PTPN23: variants seen among roughly 807,000 people sequenced by gnomAD.
The protein encoded by PTPN23 is tyrosine-protein phosphatase non-receptor type 23.
Under a neutral mutation model 156.3 loss-of-function variants are expected in PTPN23, and 72 were observed. That is an observed-to-expected ratio of 0.46 (90% CI 0.38 to 0.56). PTPN23 has a LOEUF of 0.56. Among genes scored for constraint, PTPN23 ranks in the 20% least tolerant of loss-of-function variants. PTPN23 has a pLI of 0.00. For synonymous variants in PTPN23, 957 were observed against 899.6 expected (o/e 1.06, Z -1.14); for missense variants, 1,974 against 2,171.5 (o/e 0.91, Z 1.81).
Position 47,409,511 on chromosome 3 carries a change from C to G in PTPN23, c.1892C>G (p.Thr631Arg). The G allele has an allele frequency of 6.2e-7, 1 of 1,614,108 alleles. No homozygotes were observed. The highest frequency in any genetic ancestry group is 8.5e-7 in the Non-Finnish European group (1 of 1,179,994). ...CAGGACCGTGTCCTCTGTGCACTGA[C>G]AGAGGCCAACGTGCAGTACGCAGCC... ...AAQDRVLCALTEANVQYAAVR... is the reference protein window; with the variant it reads ...AAQDRVLCALREANVQYAAVR... The change falls in exon 18 of 25, where the codon ACA becomes AGA. Residue 631 changes from threonine to arginine, a missense_variant. This residue lies in a region of PTPN23 where 726 missense variants were observed against 929.5 expected (regional missense o/e 0.78). Coordinates refer to ENST00000265562, the MANE Select transcript of PTPN23 (RefSeq NM_015466.4).
chr3:47,389,337 A>T (rs1409782680), intron 1 of PTPN23, among the ~76,000 whole-genome samples: 1 of 152,202 alleles, frequency 6.6e-6, no homozygotes, highest in Non-Finnish European at 1.5e-5. Flanking sequence ...TAGGCTGGGC[A>T]TGGTGACTCA....
rs1270593136 is a variant in PTPN23, at chr3:47,407,219, G to A, written c.864+33G>A. ...TGAGGAAGGCCTGGCTGCCCTGAGG[G>A]TATAGGAGCAAGCCCGGTAGGACTG... On this transcript the variant is annotated intron_variant, in intron 10 of 24. Transcript: ENST00000265562. This position sits in a 1 kb window ranked among gnomAD's most constrained non-coding sequence, Gnocchi z 4.0. The A allele has an allele frequency of 6.2e-7, 1 of 1,613,970 alleles. No individual in the cohort carries two copies. Among genetic ancestry groups the A allele is most frequent in the Admixed American group, 1.7e-5 (1 of 60,002 alleles).
At chr3:47,396,312 C>A (rs1454191856) in intron 2 of PTPN23, 95 bp downstream of exon 2, 7 of 977,726 alleles carry the variant, frequency 7.2e-6, no homozygotes, top group Admixed American at 2.4e-5. Context: ...GGTGGCTCAA[C>A]GCCTATAATC....
chr3:47,406,215 G>C lies in PTPN23; in HGVS notation c.547-110G>C. ...CTGCTTGGAGTGGGGGCAGCTGGGG[G>C]AGAGGGCAGTGAAGAGGGATCCCTC... is the stretch of plus-strand genomic sequence containing the variant. On this transcript the variant is annotated intron_variant, in intron 6 of 24. Coordinates refer to ENST00000265562, the MANE Select transcript of PTPN23 (RefSeq NM_015466.4). This position sits in a 1 kb window ranked among gnomAD's most constrained non-coding sequence, Gnocchi z 5.8. The C allele has an allele frequency of 6.8e-7, 1 of 1,475,552 alleles. No homozygotes were observed. The highest frequency in any genetic ancestry group is 1.2e-5 in the South Asian group (1 of 83,560). 91.4% of individuals were successfully genotyped at this position (1,475,552 alleles called of 1,614,324 possible).
In PTPN23 at chr3:47,405,818, T is replaced by C; in HGVS notation, c.414+20T>C. On this transcript the variant is annotated intron_variant, in intron 5 of 24. Coordinates refer to ENST00000265562, the MANE Select transcript of PTPN23 (RefSeq NM_015466.4). This position sits in a 1 kb window ranked among gnomAD's most constrained non-coding sequence, Gnocchi z 4.7. ...GAGGAGGTGAGGAGAGGGGCAGTAG[T>C]GGAACATGTGGACATACCAGGGAGG... 2 of 1,588,004 alleles carry C rather than the reference T, an allele frequency of 1.3e-6. No homozygotes were observed. Among genetic ancestry groups the C allele is most frequent in the African/African-American group, 2.7e-5 (2 of 74,516 alleles).
At chr3:47,385,256 C>A (rs1027871697) in intron 1 of PTPN23, among the ~76,000 whole-genome samples, 1 of 152,200 alleles carries the variant, frequency 6.6e-6, no homozygotes, top group African/African-American at 2.4e-5. Flanking sequence ...TTGCCCTTAA[C>A]CAGCTGTACT....
At chr3:47,392,806 A>G (rs1704801611) in intron 1 of PTPN23, among the ~76,000 whole-genome samples, 1 of 152,162 alleles carries the variant, frequency 6.6e-6, no homozygotes, top group African/African-American at 2.4e-5. Context: ...TTTCAAACAT[A>G]TAGAAAAATT....
rs550023804 is a variant in PTPN23 at position 47,412,821 on chromosome 3, C to T, written c.4547C>T (p.Pro1516Leu). The T allele has an allele frequency of 8.1e-6, 13 of 1,613,464 alleles. No homozygotes were observed. The highest frequency in any genetic ancestry group is 6.7e-5 in the Admixed American group (4 of 60,012). ...SIRPPGGLES[P>L]VASLPGPAEP... ...CGGCCTCCTGGGGGGTTGGAGTCCC[C>T]GGTTGCCAGCTTGCCAGGCCCTGCA... Residue 1516 changes from proline (P) to leucine (L), a missense_variant, in exon 25 of 25, where the codon CCG (proline) becomes CTG (leucine). Physicochemically the swap from Pro to Leu is moderately conservative, Grantham distance 98. Coordinates refer to ENST00000265562, the MANE Select transcript of PTPN23 (RefSeq NM_015466.4).
At chr3:47,403,198 G>A (rs1192713446) in intron 2 of PTPN23, among the ~76,000 whole-genome samples, 8 of 151,688 alleles carry the variant, frequency 5.3e-5, no homozygotes, top group South Asian at 2.1e-4. Flanking sequence ...GTCTACAGGT[G>A]CCTGCCACCA....
intron 14 of PTPN23, 125 bp from the exon 15 acceptor site, chr3:47,408,220 G>T (rs568488594): frequency 2.2e-4 from 295 of 1,352,954 alleles, no homozygotes; most frequent in Non-Finnish European, 2.9e-4. Flanking sequence ...GTAGGGGTCC[G>T]AGGTCACAAT....
chr3:47,388,243 G>T (rs370672468), intron 1 of PTPN23, among the ~76,000 whole-genome samples: 1 of 152,172 alleles, frequency 6.6e-6, no homozygotes, highest in South Asian at 2.1e-4. Flanking sequence ...GGGTCTTGCT[G>T]TAACACCCAG....
Position 47,408,460 on chromosome 3 carries a change from A to C in PTPN23, c.1300A>C (p.Thr434Pro), listed in dbSNP as rs1201266420. Residue 434 changes from threonine to proline, a missense_variant, in exon 15 of 25, where the codon ACT becomes CCT. Physicochemically the swap from Thr to Pro is conservative, Grantham distance 38 (BLOSUM62 -1). This residue lies in a region of PTPN23 where 726 missense variants were observed against 929.5 expected (regional missense o/e 0.78). Transcript: ENST00000265562. ...KCAALSVRPD[T>P]VRNLVQSMQV... ...CGCGGCTCTCAGCGTCCGGCCCGACACTGTCAGGAACCTTGTACAGTCCAT... is the reference window on the plus strand; with the variant it reads ...CGCGGCTCTCAGCGTCCGGCCCGACCCTGTCAGGAACCTTGTACAGTCCAT... 1 of 1,613,922 alleles carries C rather than the reference A, an allele frequency of 6.2e-7. No homozygotes were observed. The highest frequency in any genetic ancestry group is 1.3e-5 in the African/African-American group (1 of 74,930).
chr3:47,408,503 C>T lies in PTPN23; in HGVS notation c.1330+13C>T. 6.2e-7 allele frequency: 1 copy of T among 1,601,854 alleles called. No homozygotes were observed. The highest frequency in any genetic ancestry group is 8.5e-7 in the Non-Finnish European group (1 of 1,171,502). On this transcript the variant is annotated intron_variant, in intron 15 of 24. Transcript: ENST00000265562. ...CAGTCCATGCAAGGTGAGTAAGGGG[C>T]AGAGCAAGCAGGTGGAAGGGAGTGT...
At position 47,407,146 on chromosome 3, in the gene PTPN23, G is replaced by A; in HGVS notation, c.824G>A (p.Ser275Asn). ...KFGERVAYFQ[S>N]ALDKLNEAIK... ...CCTCCACAGGTTGCATACTTCCAGAGCGCCCTGGACAAGCTCAATGAAGCC... is the reference window on the plus strand; with the variant it reads ...CCTCCACAGGTTGCATACTTCCAGAACGCCCTGGACAAGCTCAATGAAGCC... The change falls in exon 10 of 25, where the codon AGC becomes AAC. Residue 275 changes from serine (S) to asparagine (N), a missense_variant. Ser to Asn is a conservative substitution (Grantham distance 46). This residue lies in a region of PTPN23 where 726 missense variants were observed against 929.5 expected (regional missense o/e 0.78). Coordinates refer to ENST00000265562, the MANE Select transcript of PTPN23 (RefSeq NM_015466.4). This position sits in a 1 kb window ranked among gnomAD's most constrained non-coding sequence, Gnocchi z 4.0. 6.2e-7 allele frequency: 1 copy of A among 1,614,048 alleles called. No individual in the cohort carries two copies. The highest frequency in any genetic ancestry group is 1.3e-5 in the African/African-American group (1 of 75,016).
In PTPN23 at chr3:47,410,779, C is replaced by T. The variant is rs748368352; in HGVS notation, c.2981C>T (p.Pro994Leu). Reference sequence around the variant, plus strand: ...CCCCAGGCCCCAGGACTCCTACCCCCACAATCCCCCTACCCCTATGCCCCT... The same window carrying T: ...CCCCAGGCCCCAGGACTCCTACCCCTACAATCCCCCTACCCCTATGCCCCT... ...FPPQAPGLLP[P>L]QSPYPYAPQP... is the part of the protein sequence containing the mutation. Residue 994 changes from proline to leucine, a missense_variant, in exon 20 of 25, where the codon CCA becomes CTA. Pro to Leu is a moderately conservative substitution (Grantham distance 98). Around this residue, in one of 4 missense-constraint regions of PTPN23, gnomAD observed 731 missense variants for 669.1 expected, o/e 1.09. Coordinates refer to ENST00000265562, the MANE Select transcript of PTPN23 (RefSeq NM_015466.4). 21 of 1,565,594 alleles carry T rather than the reference C, an allele frequency of 1.3e-5. No individual in the cohort carries two copies. Among genetic ancestry groups the T allele is most frequent in the Non-Finnish European group, 1.8e-5 (21 of 1,148,916 alleles).
rs770665126 is a variant in PTPN23, at chr3:47,412,417, A to G, written c.4313A>G (p.Glu1438Gly). Residue 1438 changes from glutamate (E) to glycine (G), a missense_variant, in exon 23 of 25, where the codon GAG (glutamate) becomes GGG (glycine). Glu to Gly is a moderately conservative substitution (Grantham distance 98). Coordinates refer to ENST00000265562, the MANE Select transcript of PTPN23 (RefSeq NM_015466.4). ...MRQQRKHMLQEKLHLRFCYEA... is the reference protein window; with the variant it reads ...MRQQRKHMLQGKLHLRFCYEA... Reference sequence around the variant, plus strand: ...CAGCAGAGAAAGCACATGCTGCAGGAGAAGGTGAGGATCTGGGCAGATGGG... The same window carrying G: ...CAGCAGAGAAAGCACATGCTGCAGGGGAAGGTGAGGATCTGGGCAGATGGG... 1 of 1,612,926 alleles carries G rather than the reference A, an allele frequency of 6.2e-7. No homozygotes were observed. The highest frequency in any genetic ancestry group is 1.1e-5 in the South Asian group (1 of 91,074).
rs542774621 is a variant in PTPN23 at position 47,412,571 on chromosome 3, C to T, written c.4375C>T (p.Arg1459Cys). ...GAGACACGTGGAGCAGGTCCTGCAG[C>T]GCCATGGTGTGCCTCCTCCATGCAA... ...VVRHVEQVLQRHGVPPPCKPL... is the reference protein window; with the variant it reads ...VVRHVEQVLQCHGVPPPCKPL... Residue 1459 changes from arginine (R) to cysteine (C), a missense_variant, in exon 24 of 25, where the codon CGC becomes TGC. Coordinates refer to ENST00000265562, the MANE Select transcript of PTPN23 (RefSeq NM_015466.4). 7.4e-6 allele frequency: 12 copies of T among 1,613,640 alleles called. No individual in the cohort carries two copies. Among genetic ancestry groups the T allele is most frequent in the South Asian group, 4.4e-5 (4 of 91,078 alleles).
chr3:47,404,405 CTCT>C (rs1212305289), intron 2 of PTPN23, among the ~76,000 whole-genome samples: 3 of 85,360 alleles, frequency 3.5e-5, no homozygotes, highest in Non-Finnish European at 6.9e-5. Context: ...CAGAATGAGA[CTCT>C]TTTTTTTTTT....
intron 15 of PTPN23, 77 bp downstream of exon 15, chr3:47,408,567 AC>A: frequency 6.5e-7 from 1 of 1,544,168 alleles, no homozygotes; most frequent in Non-Finnish European, 8.8e-7. Context: ...GTCCCTGGTC[AC>A]TGAGGATGGA....
Sources: gnomAD v4.1 joint callset for allele counts (sites outside exome capture counted in the v4.1 genomes callset) on GRCh38, gnomAD v4.1.1 for gene constraint, gnomAD v4.1.1 regional missense constraint, Gnocchi (gnomAD v3.1) non-coding constraint, MANE v1.5 for transcripts, NCBI Gene and HGNC (gene_info 2026-07-23, HGNC 2026-07-21) for gene names.